Variants in COLEC10 observed in about 807,000 individuals in gnomAD.
COLEC10 encodes collectin subfamily member 10.
A neutral mutation model predicts 28.4 loss-of-function variants in COLEC10; 22 were observed. The observed-to-expected ratio is 0.78, with a 90% CI of 0.55 to 1.11. The LOEUF (loss-of-function observed/expected upper bound fraction) is 1.11. COLEC10 is among the 50% of genes least tolerant of loss of function. The probability of loss-of-function intolerance (pLI) is 0.00; values close to 1 mark genes in which losing one functional copy is unlikely to be tolerated. For synonymous variants in COLEC10, 125 were observed against 116.1 expected (o/e 1.08, Z -0.49); for missense variants, 361 against 344.1 (o/e 1.05, Z -0.39).
At chr8:118,976,368 A>G in the COLEC10 span, 1 of 152,100 alleles carries the variant, frequency 6.6e-6, no homozygotes, top group African/African-American at 2.4e-5. Context: ...GTGTTTTCAT[A>G]TGCCACAGTA....
the COLEC10 span, among the ~76,000 whole-genome samples, chr8:118,953,060 C>T: frequency 1.3e-5 from 2 of 152,120 alleles, no homozygotes; most frequent in Non-Finnish European, 2.9e-5. Flanking sequence ...AGAGGGGACC[C>T]CTGGGGAGCA....
chr8:119,023,580 C>A (rs893057375), intron 2 of COLEC10, among the ~76,000 whole-genome samples: 12 of 152,080 alleles, frequency 7.9e-5, no homozygotes, highest in South Asian at 2.1e-4. Flanking sequence ...CATATTAGTT[C>A]TTTCTTGGTG....
chr8:119,085,599 C>CTTCTTTTT (rs1563739053), intron 1 of COLEC10, among the ~76,000 whole-genome samples: 18 of 63,562 alleles, frequency 2.8e-4, no homozygotes, highest in East Asian at 2.4e-3. Context: ...TCTTCTTCTT[C>CTTCTTTTT]TTTTTTTTTT....
At chr8:119,105,649 G>A (rs1815922091) in intron 5 of COLEC10, 151 bp from the exon 6 acceptor site, 4 of 693,758 alleles carry the variant, frequency 5.8e-6, no homozygotes, top group Non-Finnish European at 9.4e-6. Flanking sequence ...AGAGGTGGGG[G>A]TAATTAAATC....
At chr8:119,082,279 C>A (rs1189562756) in intron 1 of COLEC10, among the ~76,000 whole-genome samples, 2 of 152,200 alleles carry the variant, frequency 1.3e-5, no homozygotes, top group East Asian at 3.8e-4. Flanking sequence ...TCAGCACAGA[C>A]CTCCCAGCAG....
intron 1 of COLEC10, among the ~76,000 whole-genome samples, chr8:119,073,859 A>T (rs142144911): frequency 0.027 from 4,079 of 152,068 alleles, 213 homozygotes; most frequent in African/African-American, 0.094. Flanking sequence ...ATATGCATTT[A>T]TATGTATGTG....
chr8:119,002,747 G>A (rs1254674459), intron 1 of COLEC10, among the ~76,000 whole-genome samples: 2 of 152,122 alleles, frequency 1.3e-5, no homozygotes, highest in South Asian at 2.1e-4. Flanking sequence ...GGTTTACCCA[G>A]GCTAGCTAGA....
At chr8:119,060,244 C>T (rs1814831091) in intron 2 of COLEC10, among the ~76,000 whole-genome samples, 1 of 152,092 alleles carries the variant, frequency 6.6e-6, no homozygotes, top group Admixed American at 6.6e-5. Flanking sequence ...TGGAAGCTAG[C>T]AAAAGTATTA....
At chr8:119,042,988 TTG>T (rs1427260428) in intron 2 of COLEC10, among the ~76,000 whole-genome samples, 2 of 152,016 alleles carry the variant, frequency 1.3e-5, no homozygotes, top group African/African-American at 4.8e-5. Context: ...CCATCTCTGT[TTG>T]TGTTTGTCTC....
intron 2 of COLEC10, among the ~76,000 whole-genome samples, chr8:119,061,442 GA>G (rs757476980): frequency 0.092 from 6,874 of 74,654 alleles, 222 homozygotes; most frequent in African/African-American, 0.19. Context: ...AGCTGGTATT[GA>G]AAAAAAAAAA....
intron 1 of COLEC10, among the ~76,000 whole-genome samples, chr8:119,069,410 C>T (rs1017511904): frequency 2.0e-5 from 3 of 151,264 alleles, no homozygotes; most frequent in Admixed American, 6.6e-5. Flanking sequence ...GCCTGGGTGA[C>T]ATAAAGAGAC....
At chr8:119,010,791 T>C (rs1813889158) in intron 2 of COLEC10, among the ~76,000 whole-genome samples, 1 of 151,178 alleles carries the variant, frequency 6.6e-6, no homozygotes, top group Non-Finnish European at 1.5e-5. Flanking sequence ...ATTTGCCATC[T>C]GCGCATCTTT....
intron 2 of COLEC10, among the ~76,000 whole-genome samples, chr8:119,017,555 A>G (rs1335001314): frequency 1.3e-5 from 2 of 152,152 alleles, no homozygotes; most frequent in East Asian, 3.9e-4. Flanking sequence ...CCACAAGTAC[A>G]TGTGATTGAG....
chr8:119,071,793 A>G (rs1426257534), intron 1 of COLEC10, among the ~76,000 whole-genome samples: 1 of 152,202 alleles, frequency 6.6e-6, no homozygotes, highest in Non-Finnish European at 1.5e-5. Context: ...CATATTTTTG[A>G]TTAAATGAAT....
chr8:119,012,400 G>A (rs561957064), intron 2 of COLEC10, among the ~76,000 whole-genome samples: 3 of 150,616 alleles, frequency 2.0e-5, no homozygotes, highest in South Asian at 2.1e-4. Flanking sequence ...TTGCATATAT[G>A]TTCATGAGCG....
intron 1 of COLEC10, among the ~76,000 whole-genome samples, chr8:119,076,996 T>C (rs1014838835): frequency 1.3e-5 from 2 of 152,182 alleles, no homozygotes; most frequent in East Asian, 1.9e-4. Flanking sequence ...CTGGAACCAA[T>C]TTATCAGTGT....
the COLEC10 span, among the ~76,000 whole-genome samples, chr8:118,959,757 C>A: frequency 2.0e-5 from 3 of 152,188 alleles, no homozygotes; most frequent in Non-Finnish European, 4.4e-5. Flanking sequence ...GGACATGTGT[C>A]CCCAAGTTCC....
chr8:118,999,498 G>A (rs942379235), intron 1 of COLEC10, among the ~76,000 whole-genome samples: 3 of 151,872 alleles, frequency 2.0e-5, no homozygotes, highest in African/African-American at 7.3e-5. Flanking sequence ...GGCTGAGGCA[G>A]GAGAATTGCT....
intron 2 of COLEC10, among the ~76,000 whole-genome samples, chr8:119,044,174 T>A (rs190718134): frequency 6.6e-6 from 1 of 152,322 alleles, no homozygotes; most frequent in East Asian, 1.9e-4. Flanking sequence ...CTTTCAAAAA[T>A]GTGCTGGTTT....
Sources: allele counts gnomAD v4.1 joint callset (sites outside exome capture counted in the v4.1 genomes callset), GRCh38; gene constraint gnomAD v4.1.1; transcripts MANE v1.5; gene names NCBI Gene and HGNC (gene_info 2026-07-23, HGNC 2026-07-21).